PLCZ1: variants seen among roughly 807,000 people sequenced by gnomAD.
PLCZ1 encodes phospholipase C zeta 1.
PLCZ1 carries 64 observed loss-of-function variants against 76.8 expected under a neutral mutation model. The observed-to-expected ratio is 0.83, with a 90% confidence interval of 0.68 to 1.03. The LOEUF is 1.03. PLCZ1 is among the 50% of genes least tolerant of loss of function. The pLI is 0.00. For synonymous variants in PLCZ1, 248 were observed against 230.8 expected (o/e 1.07, Z -0.68); for missense variants, 751 against 713.7 (o/e 1.05, Z -0.60).
chr12:18,698,300 C>G (rs962193557), intron 10 of PLCZ1, among the ~76,000 whole-genome samples: 6 of 151,874 alleles, frequency 4.0e-5, no homozygotes, highest in Non-Finnish European at 8.8e-5. Context: ...CCATTCCATT[C>G]CATTCCATCC....
the PLCZ1 span, among the ~76,000 whole-genome samples, chr12:18,675,823 A>T: frequency 2.4e-3 from 370 of 152,178 alleles, no homozygotes; most frequent in African/African-American, 8.4e-3. Flanking sequence ...CAATAAGTAC[A>T]AATGAACAGA....
At chr12:18,677,535 AAAATGT>A in the PLCZ1 span, among the ~76,000 whole-genome samples, 1 of 152,016 alleles carries the variant, frequency 6.6e-6, no homozygotes, top group Non-Finnish European at 1.5e-5. Flanking sequence ...TTCGTCTCTT[AAAATGT>A]CCCCTATGCT....
At chr12:18,694,834 G>A in intron 12 of PLCZ1, 76 bp downstream of exon 12, 1 of 1,147,476 alleles carries the variant, frequency 8.7e-7, no homozygotes, top group African/African-American at 1.6e-5. Context: ...CAAATCAGTG[G>A]AATTCAAAAT....
chr12:18,713,232 C>T (rs901237764), intron 5 of PLCZ1, among the ~76,000 whole-genome samples: 5 of 151,992 alleles, frequency 3.3e-5, no homozygotes, highest in East Asian at 1.9e-4. Flanking sequence ...TTTACTCTTC[C>T]GTGCTCTCCA....
At chr12:18,734,446 G>A (rs1248007491) in intron 3 of PLCZ1, among the ~76,000 whole-genome samples, 2 of 152,092 alleles carry the variant, frequency 1.3e-5, no homozygotes, top group Non-Finnish European at 2.9e-5. Context: ...TGCCTCCCAG[G>A]TTCAAGCAAT....
At chr12:18,684,403 A>G in intron 13 of PLCZ1, 124 bp from the exon 14 acceptor site, 3 of 888,080 alleles carry the variant, frequency 3.4e-6, no homozygotes, top group Non-Finnish European at 5.1e-6. Flanking sequence ...TGTTTAGAGC[A>G]CATAGGTTTT....
At chr12:18,737,219 C>T in intron 2 of PLCZ1, 142 bp downstream of exon 2, 4 of 887,396 alleles carry the variant, frequency 4.5e-6, no homozygotes, top group Non-Finnish European at 7.3e-6. Context: ...GTTAGAAAAG[C>T]TCAGAACAAA....
Position 18,719,455 on chromosome 12 carries a change from G to T in PLCZ1, c.545C>A (p.Pro182Gln), listed in dbSNP as rs2137516086. Residue 182 changes from proline (P) to glutamine (Q), a missense_variant, in exon 5 of 15, where the codon CCA becomes CAA. Pro to Gln is a moderately conservative substitution (Grantham distance 76). Transcript: ENST00000266505. ...TYLVSDQLLG[P>Q]SDLWGYVSAL... ...CCTTACATATCCCCAAAGGTCACTT[G>T]GTCCCAATAATTGATCAGATACCAA... 1.3e-6 allele frequency: 2 copies of T among 1,537,996 alleles called. No homozygotes were observed. Among genetic ancestry groups the T allele is most frequent in the Non-Finnish European group, 1.8e-6 (2 of 1,136,576 alleles).
At chr12:18,722,897 A>C (rs1360755285) in intron 4 of PLCZ1, among the ~76,000 whole-genome samples, 1 of 151,984 alleles carries the variant, frequency 6.6e-6, no homozygotes, top group Non-Finnish European at 1.5e-5. Flanking sequence ...TAGCACATTT[A>C]ATTTTCATAG....
At chr12:18,719,095 T>G (rs1267974306) in intron 5 of PLCZ1, among the ~76,000 whole-genome samples, 1 of 152,208 alleles carries the variant, frequency 6.6e-6, no homozygotes, top group African/African-American at 2.4e-5. Context: ...TAGAGGATCT[T>G]CTGACTAGCT....
intron 3 of PLCZ1, among the ~76,000 whole-genome samples, chr12:18,731,506 C>G (rs1276382681): frequency 2.8e-5 from 4 of 145,056 alleles, no homozygotes; most frequent in African/African-American, 7.6e-5. Flanking sequence ...ACTCTGACAA[C>G]TGTCATTTCT....
At chr12:18,686,034 C>G (rs1322507156) in intron 13 of PLCZ1, among the ~76,000 whole-genome samples, 1 of 152,016 alleles carries the variant, frequency 6.6e-6, no homozygotes, top group Non-Finnish European at 1.5e-5. Flanking sequence ...TTATCCTTTT[C>G]CTCCCAGACT....
chr12:18,652,758 T>C, the PLCZ1 span, among the ~76,000 whole-genome samples: 1 of 152,312 alleles, frequency 6.6e-6, no homozygotes, highest in African/African-American at 2.4e-5. Flanking sequence ...CATGTATATT[T>C]TATTTGTTCC....
intron 3 of PLCZ1, among the ~76,000 whole-genome samples, chr12:18,729,433 T>G (rs560004767): frequency 8.5e-5 from 13 of 152,152 alleles, no homozygotes; most frequent in Non-Finnish European, 1.5e-4. Flanking sequence ...CTGCATTCCT[T>G]TTTCTGCCCT....
At chr12:18,721,689 T>C (rs894474515) in intron 4 of PLCZ1, among the ~76,000 whole-genome samples, 1 of 150,418 alleles carries the variant, frequency 6.6e-6, no homozygotes. Flanking sequence ...ATCAATTCAC[T>C]ACTTCCTTAG....
chr12:18,696,040 G>A (rs536118685), intron 11 of PLCZ1, 110 bp downstream of exon 11: 39 of 614,614 alleles, frequency 6.3e-5, no homozygotes, highest in African/African-American at 1.2e-4. Flanking sequence ...AAAGCCCCCG[G>A]GCTAAAAAAT....
At chr12:18,688,054 T>TA (rs1056970144) in intron 13 of PLCZ1, 35 bp downstream of exon 13, 2 of 1,605,594 alleles carry the variant, frequency 1.2e-6, no homozygotes, top group African/African-American at 2.7e-5. Flanking sequence ...ACAAGAAGTC[T>TA]AATGGAAATT....
chr12:18,669,302 A>G, the PLCZ1 span, among the ~76,000 whole-genome samples: 2 of 152,278 alleles, frequency 1.3e-5, no homozygotes, highest in East Asian at 3.9e-4. Context: ...TTCTCTTTCC[A>G]TTATATGTGT....
At chr12:18,721,463 A>C (rs1958429592) in intron 4 of PLCZ1, among the ~76,000 whole-genome samples, 1 of 152,106 alleles carries the variant, frequency 6.6e-6, no homozygotes, top group Non-Finnish European at 1.5e-5. Flanking sequence ...ATGGATGAAC[A>C]GTATAATATT....
Sources: gnomAD v4.1 joint callset for allele counts (sites outside exome capture counted in the v4.1 genomes callset) on GRCh38, gnomAD v4.1.1 for gene constraint, MANE v1.5 for transcripts, NCBI Gene and HGNC (gene_info 2026-07-23, HGNC 2026-07-21) for gene names.